The following DIAPH2 variants were observed in gnomAD, a reference collection of about 807,000 sequenced individuals.
DIAPH2 encodes protein diaphanous homolog 2.
In DIAPH2, 35 loss-of-function variants were observed where a neutral mutation model predicts 92.7. The observed-to-expected ratio is 0.38, with a 90% confidence interval of 0.29 to 0.50. DIAPH2 has a LOEUF of 0.50. DIAPH2 is among the 20% of genes least tolerant of loss of function. The probability of loss-of-function intolerance (pLI) is 0.94; values close to 1 mark genes in which losing one functional copy is unlikely to be tolerated. For missense variants in DIAPH2, 701 were observed against 819.5 expected, an observed-to-expected ratio of 0.86 and a Z score of 1.77; for synonymous variants, 301 against 280.4, an observed-to-expected ratio of 1.07 and a Z score of -0.73.
At chrX:96,759,394 A>G (rs905088327) in intron 4 of DIAPH2, among the ~76,000 whole-genome samples, 1 of 111,602 alleles carries the variant, frequency 9.0e-6, no homozygotes, top group Non-Finnish European at 1.9e-5. Context: ...GCAGAGCAAC[A>G]GCATGTTTTT....
chrX:97,118,841 C>T (rs906942475), intron 21 of DIAPH2, among the ~76,000 whole-genome samples: 3 of 112,051 alleles, frequency 2.7e-5, no homozygotes, highest in African/African-American at 6.5e-5. Flanking sequence ...TTGGAACCTA[C>T]GTTTTAACTT....
At chrX:96,728,181 G>T (rs1602458755) in intron 1 of DIAPH2, among the ~76,000 whole-genome samples, 1 of 110,803 alleles carries the variant, frequency 9.0e-6, no homozygotes, top group African/African-American at 3.3e-5. Context: ...TCATAGTTTC[G>T]CATTTAGTTA....
chrX:96,795,951 C>G (rs1323031567), intron 4 of DIAPH2, among the ~76,000 whole-genome samples: 1 of 110,714 alleles, frequency 9.0e-6, no homozygotes. Context: ...TTTGTGTCTG[C>G]AGTTTTCACA....
intron 19 of DIAPH2, among the ~76,000 whole-genome samples, chrX:97,076,637 A>G (rs2066706735): frequency 8.9e-6 from 1 of 111,981 alleles, no homozygotes; most frequent in Admixed American, 9.4e-5. Flanking sequence ...TCTAAATCTC[A>G]GAGAACCTGC....
intron 1 of DIAPH2, among the ~76,000 whole-genome samples, chrX:96,718,455 G>A (rs2063968881): frequency 1.0e-5 from 1 of 97,017 alleles, no homozygotes; most frequent in African/African-American, 3.9e-5. Context: ...CCACGTTCAA[G>A]CGATTCTCCT....
intron 22 of DIAPH2, among the ~76,000 whole-genome samples, chrX:97,144,077 C>T (rs1161343868): frequency 9.0e-6 from 1 of 111,476 alleles, no homozygotes; most frequent in Non-Finnish European, 1.9e-5. Flanking sequence ...TGGCCTGGTG[C>T]AATGGCTCAC....
chrX:97,172,747 C>T (rs953534547), intron 22 of DIAPH2, among the ~76,000 whole-genome samples: 5 of 111,649 alleles, frequency 4.5e-5, no homozygotes, highest in South Asian at 3.8e-4. Context: ...TAGAACTATT[C>T]GTGCTGCTAT....
chrX:97,564,604 C>T (rs1430995509), intron 26 of DIAPH2: 1 of 111,948 alleles, frequency 8.9e-6, no homozygotes, highest in African/African-American at 3.3e-5. Context: ...ACCCTTATGA[C>T]TTAATCACTT....
At chrX:96,956,829 G>C (rs987636505) in intron 15 of DIAPH2, among the ~76,000 whole-genome samples, 1 of 111,945 alleles carries the variant, frequency 8.9e-6, no homozygotes, top group Admixed American at 9.5e-5. Context: ...ACATTTTCCT[G>C]TCTACTTCTG....
chrX:97,387,992 A>G (rs945005628), intron 25 of DIAPH2, among the ~76,000 whole-genome samples: 1 of 112,020 alleles, frequency 8.9e-6, no homozygotes, highest in Middle Eastern at 4.2e-3. Flanking sequence ...GTCTAAACTA[A>G]CCATATCGGC....
At chrX:97,598,847 C>T (rs771263127) in intron 26 of DIAPH2, among the ~76,000 whole-genome samples, 1 of 112,079 alleles carries the variant, frequency 8.9e-6, no homozygotes, top group African/African-American at 3.2e-5. Context: ...ATGCTGGTGT[C>T]CTCTAGAGGT....
At chrX:97,461,487 C>T (rs1459678694) in intron 26 of DIAPH2, among the ~76,000 whole-genome samples, 1 of 111,443 alleles carries the variant, frequency 9.0e-6, no homozygotes, top group Admixed American at 9.6e-5. Context: ...TGCTTGAACA[C>T]GCTGTTACAG....
chrX:97,031,700 G>T (rs1460642491), intron 17 of DIAPH2, among the ~76,000 whole-genome samples: 2 of 111,587 alleles, frequency 1.8e-5, no homozygotes, highest in Non-Finnish European at 3.8e-5. Flanking sequence ...GGGGAAGATA[G>T]ATAGGTAATC....
chrX:97,541,953 T>G (rs2071143602), intron 26 of DIAPH2, among the ~76,000 whole-genome samples: 1 of 112,339 alleles, frequency 8.9e-6, no homozygotes, highest in Non-Finnish European at 1.9e-5. Context: ...GGCTTTAAAA[T>G]TTTTGGGGGG....
Position 97,384,120 on chromosome X carries a change from A to C in DIAPH2, c.3145+76A>C, listed in dbSNP as rs1170870157. 3 of 907,774 alleles carry C rather than the reference A, an allele frequency of 3.3e-6. No individual in the cohort carries two copies. In the African/African-American group the frequency reaches 6.0e-5, roughly 18 times the overall value. 74.8% of individuals were successfully genotyped at this position (907,774 alleles called of 1,213,427 possible). A position where few individuals can be genotyped will look rare whatever the true frequency, so the allele number is the denominator to read the frequency against. On this transcript the variant is annotated intron_variant, in intron 25 of 26. Transcript: ENST00000324765. The stretch of plus-strand genomic sequence containing the variant: ...TGCAGTTATTTATTTTTGGATTATA[A>C]AGTAAATTTTCATAGAAAATTCACA...
chrX:96,986,076 A>T, intron 17 of DIAPH2, among the ~76,000 whole-genome samples: 1 of 111,691 alleles, frequency 9.0e-6, no homozygotes, highest in Middle Eastern at 4.6e-3. Flanking sequence ...TTTTATAATA[A>T]TTTTTGTCAA....
chrX:97,354,465 T>C (rs2069246427), intron 24 of DIAPH2, among the ~76,000 whole-genome samples: 1 of 111,217 alleles, frequency 9.0e-6, no homozygotes, highest in Non-Finnish European at 1.9e-5. Flanking sequence ...CTCCACCCCC[T>C]GGGTTCAAGT....
intron 5 of DIAPH2, among the ~76,000 whole-genome samples, chrX:96,900,365 T>G (rs1384108862): frequency 9.0e-6 from 1 of 111,440 alleles, no homozygotes; most frequent in African/African-American, 3.3e-5. Flanking sequence ...TCTAGGAGCC[T>G]TTTGGATGAG....
intron 22 of DIAPH2, among the ~76,000 whole-genome samples, chrX:97,163,153 T>C (rs185874782): frequency 2.7e-5 from 3 of 110,907 alleles, no homozygotes; most frequent in African/African-American, 9.8e-5. Context: ...TTAATTTTTA[T>C]CTTTCTATTC....
Sources: allele counts gnomAD v4.1 joint callset (sites outside exome capture counted in the v4.1 genomes callset), GRCh38; gene constraint gnomAD v4.1.1; transcripts MANE v1.5; gene names NCBI Gene and HGNC (gene_info 2026-07-23, HGNC 2026-07-21).